The following DACH2 variants were observed in gnomAD, a reference collection of about 807,000 sequenced individuals.
DACH2 encodes the protein dachshund homolog 2.
DACH2 carries 17 observed loss-of-function variants against 35.8 expected under a neutral mutation model. That is an observed-to-expected ratio of 0.48 (90% confidence interval 0.33 to 0.71). The LOEUF is 0.71. Ranked by LOEUF, DACH2 falls within the 30% of genes least tolerant of loss-of-function variation. The pLI is 0.02. For missense variants in DACH2, 469 were observed against 472.7 expected (o/e 0.99, Z 0.07); for synonymous variants, 195 against 177.3 (o/e 1.10, Z -0.79).
intron 1 of DACH2, among the ~76,000 whole-genome samples, chrX:86,331,695 T>C (rs775670074): frequency 3.6e-5 from 4 of 111,632 alleles, no homozygotes; most frequent in African/African-American, 1.3e-4. Context: ...TATATACTTT[T>C]AAGCATAATT....
chrX:86,241,924 G>A (rs1004280640), intron 1 of DACH2, among the ~76,000 whole-genome samples: 1 of 112,646 alleles, frequency 8.9e-6, no homozygotes, highest in Non-Finnish European at 1.9e-5. Context: ...GAGCACAGAA[G>A]GCAAGAGTTG....
intron 1 of DACH2, among the ~76,000 whole-genome samples, chrX:86,364,471 A>T (rs2035779727): frequency 9.0e-6 from 1 of 111,592 alleles, no homozygotes; most frequent in Non-Finnish European, 1.9e-5. Context: ...GAGATGAGGA[A>T]GCAATCCGAA....
At chrX:86,647,511 G>A (rs928327726) in intron 3 of DACH2, among the ~76,000 whole-genome samples, 4 of 110,578 alleles carry the variant, frequency 3.6e-5, no homozygotes, top group Non-Finnish European at 7.6e-5. Flanking sequence ...GGTGGTTGTC[G>A]TGCACTGAGG....
chrX:86,465,963 G>T (rs1320033553), intron 2 of DACH2, among the ~76,000 whole-genome samples: 1 of 111,761 alleles, frequency 8.9e-6, no homozygotes, highest in Non-Finnish European at 1.9e-5. Flanking sequence ...GGTGAGATAA[G>T]TAGTGGGCTA....
chrX:86,432,228 A>T (rs1298514527), intron 2 of DACH2, among the ~76,000 whole-genome samples: 3 of 112,375 alleles, frequency 2.7e-5, no homozygotes, highest in Non-Finnish European at 5.6e-5. Context: ...GCAACAGAAA[A>T]GAAGCTGATT....
chrX:86,823,477 G>T (rs1404768326), intron 11 of DACH2, among the ~76,000 whole-genome samples: 1 of 105,185 alleles, frequency 9.5e-6, no homozygotes, highest in Non-Finnish European at 2.0e-5. Context: ...CATTGGTAAT[G>T]ATCCACATAC....
At chrX:86,732,410 C>A (rs1433571166) in intron 6 of DACH2, among the ~76,000 whole-genome samples, 3 of 112,277 alleles carry the variant, frequency 2.7e-5, no homozygotes. Flanking sequence ...CCTCCACCCC[C>A]AAAAGGATTT....
chrX:86,365,702 C>T (rs2035797383), intron 1 of DACH2, among the ~76,000 whole-genome samples: 2 of 111,151 alleles, frequency 1.8e-5, no homozygotes, highest in Admixed American at 1.9e-4. Flanking sequence ...TCAATACTAT[C>T]GCCCCAAAGA....
chrX:86,419,511 C>G (rs1000334650), intron 2 of DACH2, among the ~76,000 whole-genome samples: 28 of 111,469 alleles, frequency 2.5e-4, no homozygotes, highest in African/African-American at 9.1e-4. Flanking sequence ...GACTCATTCA[C>G]TATCATAAGA....
intron 2 of DACH2, among the ~76,000 whole-genome samples, chrX:86,451,840 C>A (rs1243584587): frequency 2.7e-5 from 3 of 110,962 alleles, no homozygotes; most frequent in Non-Finnish European, 3.8e-5. Flanking sequence ...CTCTTTATTT[C>A]TTTCTCTTGC....
rs568436998 is a variant in DACH2 at position 86,461,041 on chromosome X, C to A, written c.528-53238C>A. ...ACTTTGTGAAATAACAAACAATAAA[C>A]CCACCGAAATGCTTCAAGCAGTTAT... is the stretch of plus-strand genomic sequence containing the variant. On this transcript the variant is annotated intron_variant, in intron 2 of 11. Coordinates refer to ENST00000373125, the MANE Select transcript of DACH2 (RefSeq NM_053281.3). 3.3e-4 allele frequency among the ~76,000 whole-genome samples: 37 copies of A among 110,997 alleles called. No individual in the cohort carries two copies. In the South Asian group the frequency reaches 0.014, roughly 41 times the overall value.
intron 2 of DACH2, among the ~76,000 whole-genome samples, chrX:86,424,917 G>T (rs2036866881): frequency 9.0e-6 from 1 of 110,964 alleles, no homozygotes; most frequent in African/African-American, 3.3e-5. Flanking sequence ...GCTTTTTCAG[G>T]ATCTGTGGAA....
intron 3 of DACH2, among the ~76,000 whole-genome samples, chrX:86,545,889 T>A (rs1358874513): frequency 8.9e-6 from 1 of 111,987 alleles, no homozygotes; most frequent in Non-Finnish European, 1.9e-5. Context: ...ATGATAATCA[T>A]AAGTCTTGGC....
intron 2 of DACH2, among the ~76,000 whole-genome samples, chrX:86,492,756 C>T (rs1025493675): frequency 9.0e-6 from 1 of 111,721 alleles, no homozygotes; most frequent in African/African-American, 3.3e-5. Context: ...CCTCCGGCTG[C>T]ATCCATGTTG....
intron 1 of DACH2, among the ~76,000 whole-genome samples, chrX:86,216,539 T>C (rs970063086): frequency 1.8e-5 from 2 of 111,544 alleles, no homozygotes; most frequent in Admixed American, 1.9e-4. Context: ...AGACATGAAC[T>C]CGTCCTTTTT....
chrX:86,356,395 CT>C (rs1165629281), intron 1 of DACH2, among the ~76,000 whole-genome samples: 1 of 103,891 alleles, frequency 9.6e-6, no homozygotes, highest in East Asian at 3.4e-4. Flanking sequence ...GTCTATGTGT[CT>C]GTTTTTTTTA....
chrX:86,669,026 T>A (rs926663199), intron 4 of DACH2, among the ~76,000 whole-genome samples: 1 of 111,686 alleles, frequency 9.0e-6, no homozygotes, highest in African/African-American at 3.2e-5. Flanking sequence ...GTTGACAGGC[T>A]AAATGTAACA....
intron 1 of DACH2, among the ~76,000 whole-genome samples, chrX:86,311,369 C>T (rs1175013905): frequency 8.9e-6 from 1 of 111,922 alleles, no homozygotes; most frequent in African/African-American, 3.3e-5. Context: ...TTACCATGTT[C>T]CCCATCATCC....
chrX:86,167,542 T>C (rs1248852692), intron 1 of DACH2, among the ~76,000 whole-genome samples: 2 of 111,650 alleles, frequency 1.8e-5, no homozygotes, highest in African/African-American at 6.5e-5. Flanking sequence ...AATTTCAATT[T>C]TATTTCTTTC....
Sources: gnomAD v4.1 joint callset for allele counts (sites outside exome capture counted in the v4.1 genomes callset) on GRCh38, gnomAD v4.1.1 for gene constraint, MANE v1.5 for transcripts, NCBI Gene and HGNC (gene_info 2026-07-23, HGNC 2026-07-21) for gene names.